ITGA2: variants seen among roughly 807,000 people sequenced by gnomAD.
ITGA2 encodes integrin alpha-2.
A neutral mutation model predicts 146.3 loss-of-function variants in ITGA2; 101 were observed. The observed-to-expected ratio is 0.69, with a 90% CI of 0.59 to 0.81. The LOEUF is 0.81. Ranked by LOEUF, ITGA2 falls within the 40% of genes least tolerant of loss-of-function variation. The pLI, the probability that ITGA2 is intolerant of heterozygous loss-of-function variation, is 0.00. For missense variants in ITGA2, 1,281 were observed against 1,402.7 expected (o/e 0.91, Z 1.39); for synonymous variants, 477 against 487.1 (o/e 0.98, Z 0.27).
At chr5:53,018,862 G>T (rs537830332) in intron 1 of ITGA2, among the ~76,000 whole-genome samples, 1 of 152,022 alleles carries the variant, frequency 6.6e-6, no homozygotes, top group African/African-American at 2.4e-5. Context: ...TCAGGAATTC[G>T]AGACCAGCTT....
chr5:53,010,629 G>C (rs1350217758), intron 1 of ITGA2, among the ~76,000 whole-genome samples: 1 of 152,144 alleles, frequency 6.6e-6, no homozygotes, highest in Non-Finnish European at 1.5e-5. Context: ...ACAATATTTA[G>C]ATGAGATTTC....
chr5:53,082,950 G>A (rs146978804), intron 26 of ITGA2, among the ~76,000 whole-genome samples: 1 of 152,198 alleles, frequency 6.6e-6, no homozygotes, highest in East Asian at 1.9e-4. Flanking sequence ...TTTTGTGCAT[G>A]TTTACTAATT....
chr5:53,064,482 T>C (rs1745056001), intron 13 of ITGA2, among the ~76,000 whole-genome samples: 1 of 151,942 alleles, frequency 6.6e-6, no homozygotes, highest in Non-Finnish European at 1.5e-5. Flanking sequence ...TTTTTAATAT[T>C]AAAAAATTAG....
intron 1 of ITGA2, among the ~76,000 whole-genome samples, chr5:52,993,690 G>T (rs567993080): frequency 6.6e-6 from 1 of 152,264 alleles, no homozygotes; most frequent in East Asian, 1.9e-4. Flanking sequence ...TGTAATTTTA[G>T]ACATTCAGCA....
chr5:53,017,541 G>T (rs1742451619), intron 1 of ITGA2, among the ~76,000 whole-genome samples: 1 of 152,238 alleles, frequency 6.6e-6, no homozygotes, highest in African/African-American at 2.4e-5. Context: ...TGGGGTGGTG[G>T]CAGCAGGATC....
intron 1 of ITGA2, among the ~76,000 whole-genome samples, chr5:53,001,685 A>T (rs189074506): frequency 1.3e-3 from 198 of 152,216 alleles, no homozygotes; most frequent in Non-Finnish European, 1.6e-3. Context: ...AGAAAAATTT[A>T]AAAAATTAGC....
chr5:53,024,893 A>G (rs914114030), intron 1 of ITGA2, among the ~76,000 whole-genome samples: 1 of 152,204 alleles, frequency 6.6e-6, no homozygotes, highest in African/African-American at 2.4e-5. Flanking sequence ...TCTCAGTTCA[A>G]TGGCAAGACA....
At chr5:53,006,165 GT>G (rs1044403479) in intron 1 of ITGA2, among the ~76,000 whole-genome samples, 5 of 152,070 alleles carry the variant, frequency 3.3e-5, no homozygotes, top group Middle Eastern at 3.4e-3. Flanking sequence ...CATGGCACAC[GT>G]TTACCTATGG....
At chr5:53,022,630 C>T (rs1742745614) in intron 1 of ITGA2, among the ~76,000 whole-genome samples, 1 of 151,944 alleles carries the variant, frequency 6.6e-6, no homozygotes, top group Non-Finnish European at 1.5e-5. Flanking sequence ...GCAGTGGTGC[C>T]ATCATGGCTC....
chr5:53,058,674 A>C (rs2111954199), intron 10 of ITGA2, among the ~76,000 whole-genome samples: 1 of 151,744 alleles, frequency 6.6e-6, no homozygotes, highest in South Asian at 2.1e-4. Context: ...AGATAGTGAA[A>C]GGAGGCGAAA....
intron 1 of ITGA2, among the ~76,000 whole-genome samples, chr5:53,005,672 G>T (rs1415996143): frequency 2.6e-5 from 4 of 151,318 alleles, no homozygotes; most frequent in Admixed American, 2.6e-4. Flanking sequence ...AGTGTATAAT[G>T]ATACTAATCG....
At chr5:53,034,833 C>G (rs1461388236) in intron 2 of ITGA2, among the ~76,000 whole-genome samples, 1 of 151,936 alleles carries the variant, frequency 6.6e-6, no homozygotes, top group Non-Finnish European at 1.5e-5. Context: ...TTGCTGTGCC[C>G]CATATGATGG....
chr5:53,048,274 T>C, intron 4 of ITGA2, 89 bp from the exon 5 acceptor site: 1 of 938,918 alleles, frequency 1.1e-6, no homozygotes, highest in Admixed American at 1.8e-5. Flanking sequence ...TAGAAAAGAG[T>C]AGAGATGATT....
At chr5:53,041,912 T>G (rs1743815751) in intron 2 of ITGA2, among the ~76,000 whole-genome samples, 200 bp from the exon 3 acceptor site, 1 of 152,164 alleles carries the variant, frequency 6.6e-6, no homozygotes, top group Non-Finnish European at 1.5e-5. Context: ...TTCTAGGGTG[T>G]GTGGCAATGC....
At position 53,056,120 on chromosome 5, in the gene ITGA2, C is replaced by T. The variant is rs763417001; in HGVS notation, c.1067C>T (p.Thr356Ile). 1.2e-6 allele frequency: 2 copies of T among 1,611,784 alleles called. No individual in the cohort carries two copies. The highest frequency in any genetic ancestry group is 8.5e-7 in the Non-Finnish European group (1 of 1,178,720). Residue 356 changes from threonine (T) to isoleucine (I), a missense_variant, in exon 9 of 30, where the codon ACA (threonine) becomes ATA (isoleucine). Transcript: ENST00000296585. ...GCAGCTCTACTAGAAAAGGCTGGGA[C>T]ATTAGGAGAACAAATTTTCAGCATT... The part of the protein sequence containing the change: ...DEAALLEKAG[T>I]LGEQIFSIEG...
At chr5:53,055,194 A>T (rs945265109) in intron 7 of ITGA2, among the ~76,000 whole-genome samples, 7 of 152,134 alleles carry the variant, frequency 4.6e-5, no homozygotes, top group African/African-American at 1.7e-4. Context: ...ACTAATGCAT[A>T]AAATTTATAA....
At position 53,093,389 on chromosome 5, in the gene ITGA2, C is replaced by G. The variant is rs1234793972; in HGVS notation, c.*2790C>G. ...CATTTATCACACCAGGACAGGGTCT[C>G]TCAACCTGGGCGCTACTGTCATTTG... On this transcript the variant is annotated 3_prime_UTR_variant, in exon 30 of 30. Transcript: ENST00000296585. The G allele has an allele frequency of 6.6e-6, 1 of 152,254 alleles. No homozygotes were observed. The highest frequency in any genetic ancestry group is 1.5e-5 in the Non-Finnish European group (1 of 68,094). 9.4% of individuals were successfully genotyped at this position (152,254 alleles called of 1,614,324 possible). A position where few individuals can be genotyped will look rare whatever the true frequency, so the allele number is the denominator to read the frequency against.
At chr5:53,064,600 T>C (rs1304418734) in intron 13 of ITGA2, among the ~76,000 whole-genome samples, 1 of 151,990 alleles carries the variant, frequency 6.6e-6, no homozygotes, top group Non-Finnish European at 1.5e-5. Context: ...TGTAGTGCAC[T>C]GGTGTGATCA....
chr5:53,066,055 T>A (rs1745136032), intron 15 of ITGA2, 78 bp downstream of exon 15: 1 of 1,332,886 alleles, frequency 7.5e-7, no homozygotes, highest in African/African-American at 1.4e-5. Flanking sequence ...GTACTGGTAT[T>A]ATAGAAATGC....
Sources: allele counts gnomAD v4.1 joint callset (sites outside exome capture counted in the v4.1 genomes callset), GRCh38; gene constraint gnomAD v4.1.1; transcripts MANE v1.5; gene names NCBI Gene and HGNC (gene_info 2026-07-23, HGNC 2026-07-21).